AGAP1: variants seen among roughly 807,000 people sequenced by gnomAD.
The protein encoded by AGAP1 is ArfGAP with GTPase domain, ankyrin repeat and PH domain 1.
AGAP1 carries 29 observed loss-of-function variants against 105.3 expected under a neutral mutation model. The observed-to-expected ratio is 0.28, with a 90% CI of 0.21 to 0.38. AGAP1 has a LOEUF of 0.38. Ranked by LOEUF, AGAP1 falls within the 10% of genes least tolerant of loss-of-function variation. The pLI is 1.00. For missense variants in AGAP1, 998 were observed against 1,165.1 expected, an observed-to-expected ratio of 0.86 and a Z score of 2.09; for synonymous variants, 509 against 485.9, an observed-to-expected ratio of 1.05 and a Z score of -0.63.
At chr2:235,925,398 G>T (rs748181176) in intron 11 of AGAP1, among the ~76,000 whole-genome samples, 1 of 152,086 alleles carries the variant, frequency 6.6e-6, no homozygotes, top group African/African-American at 2.4e-5. Flanking sequence ...GTAGCAAAAC[G>T]GCTGTGTGTT....
At chr2:235,892,027 G>A (rs972811970) in intron 10 of AGAP1, among the ~76,000 whole-genome samples, 1 of 152,092 alleles carries the variant, frequency 6.6e-6, no homozygotes, top group African/African-American at 2.4e-5. Flanking sequence ...GCTGGTGGGT[G>A]CCTGTAATCC....
intron 1 of AGAP1, among the ~76,000 whole-genome samples, chr2:235,546,651 G>A (rs1232716678): frequency 6.6e-6 from 1 of 152,084 alleles, no homozygotes; most frequent in Non-Finnish European, 1.5e-5. Context: ...TGACGGGTGT[G>A]TGGGGGCATC....
chr2:235,922,038 TAA>T (rs2052205850), intron 11 of AGAP1, among the ~76,000 whole-genome samples: 1 of 152,234 alleles, frequency 6.6e-6, no homozygotes, highest in Non-Finnish European at 1.5e-5. Context: ...ATGTGACTGT[TAA>T]CGTCGCCTCC....
At chr2:235,873,349 C>T (rs144194037) in intron 9 of AGAP1, among the ~76,000 whole-genome samples, 37 of 152,344 alleles carry the variant, frequency 2.4e-4, no homozygotes, top group African/African-American at 7.2e-4. Flanking sequence ...TATGACTGCT[C>T]CTCTGGCCTC....
intron 16 of AGAP1, among the ~76,000 whole-genome samples, chr2:236,060,584 A>G (rs1472659571): frequency 6.6e-6 from 1 of 152,096 alleles, no homozygotes; most frequent in Non-Finnish European, 1.5e-5. Context: ...TAGGTAAGCT[A>G]CTCAGGCGGC....
At position 236,114,796 on chromosome 2, in the gene AGAP1, C is replaced by T. The variant is rs776171097; in HGVS notation, c.2115-5396C>T. ...GCAACATTGAGGGTTAAAGCTTCAG[C>T]ATGTGAATTTTATGGGATACGACTC... On this transcript the variant is annotated intron_variant, in intron 16 of 17. Coordinates refer to ENST00000304032, the MANE Select transcript of AGAP1 (RefSeq NM_001037131.3). The surrounding 1 kb of genome is among the most constrained non-coding windows in gnomAD (Gnocchi z 5.0). Among the ~76,000 whole-genome samples, 10 of 152,200 alleles carry T rather than the reference C, an allele frequency of 6.6e-5. No individual in the cohort carries two copies. Among genetic ancestry groups the T allele is most frequent in the Non-Finnish European group, 1.5e-4 (10 of 68,036 alleles).
chr2:235,812,995 TTCAC>T (rs1157206337), intron 9 of AGAP1, among the ~76,000 whole-genome samples: 4 of 152,208 alleles, frequency 2.6e-5, no homozygotes, highest in African/African-American at 7.2e-5. Context: ...TTCAGCCCGG[TTCAC>T]AACAGACCCA....
intron 16 of AGAP1, among the ~76,000 whole-genome samples, chr2:236,118,483 G>A (rs1031582314): frequency 6.8e-6 from 1 of 147,238 alleles, no homozygotes. Context: ...TCTGCCTCCC[G>A]GGTTCAAGCC....
chr2:235,702,710 A>G (rs1950314147), intron 1 of AGAP1, among the ~76,000 whole-genome samples: 1 of 152,114 alleles, frequency 6.6e-6, no homozygotes, highest in Non-Finnish European at 1.5e-5. Flanking sequence ...ATTCAAACAT[A>G]TTTGACCATA....
chr2:235,925,221 C>G (rs2052388217), intron 11 of AGAP1, among the ~76,000 whole-genome samples: 1 of 152,200 alleles, frequency 6.6e-6, no homozygotes, highest in Non-Finnish European at 1.5e-5. Flanking sequence ...CTCACCTCGT[C>G]TACTCCAGGA....
rs367931059 is a variant in AGAP1 at position 235,817,185 on chromosome 2, T to C, written c.1050+9854T>C. ...AACTTATGGCACTTGGCATGGCTCT[T>C]AGACCAGACACATTTTCCCAGAAAT... is the stretch of plus-strand genomic sequence containing the variant. On this transcript the variant is annotated intron_variant, in intron 9 of 17. Coordinates refer to ENST00000304032, the MANE Select transcript of AGAP1 (RefSeq NM_001037131.3). 2.0e-4 allele frequency among the ~76,000 whole-genome samples: 31 copies of C among 152,160 alleles called. 1 individual carries two copies. In the East Asian group the frequency reaches 6.0e-3, roughly 30 times the overall value.
Position 235,994,664 on chromosome 2 carries a change from G to A in AGAP1, c.1645+26041G>A, listed in dbSNP as rs2055712651. On this transcript the variant is annotated intron_variant, in intron 13 of 17. Coordinates refer to ENST00000304032, the MANE Select transcript of AGAP1 (RefSeq NM_001037131.3). The surrounding 1 kb of genome is among the most constrained non-coding windows in gnomAD (Gnocchi z 4.4). ...ATGATACAGAGACGGGGCAGCAGTG[G>A]AGAGCTCGGCTCAAAGTGCGAAGTT... Among the ~76,000 whole-genome samples, 3 of 146,526 alleles carry A rather than the reference G, an allele frequency of 2.0e-5. No homozygotes were observed. Among genetic ancestry groups the A allele is most frequent in the African/African-American group, 7.6e-5 (3 of 39,548 alleles).
chr2:235,519,554 T>C (rs925831132), intron 1 of AGAP1, among the ~76,000 whole-genome samples: 1 of 152,296 alleles, frequency 6.6e-6, no homozygotes, highest in East Asian at 1.9e-4. Context: ...TAACACATAT[T>C]TTCTTGTGTG....
At chr2:235,693,539 G>A (rs1211460968) in intron 1 of AGAP1, among the ~76,000 whole-genome samples, 4 of 152,278 alleles carry the variant, frequency 2.6e-5, no homozygotes, top group East Asian at 3.9e-4. Flanking sequence ...ACAGTCATGC[G>A]AAGGCATTGC....
At position 235,728,788 on chromosome 2, in the gene AGAP1, A is replaced by G. The variant is rs2149598068; in HGVS notation, c.310+11144A>G. On this transcript the variant is annotated intron_variant, in intron 3 of 17. Transcript: ENST00000304032. This position sits in a 1 kb window ranked among gnomAD's most constrained non-coding sequence, Gnocchi z 4.3. ...ATGAAAGCGTGCCTAGTGGAGCAAG[A>G]GCGGGGCGGGGAGGAGGGGAAGCCA... is the stretch of plus-strand genomic sequence containing the variant. Among the ~76,000 whole-genome samples, 1 of 152,272 alleles carries G rather than the reference A, an allele frequency of 6.6e-6. No individual in the cohort carries two copies. The highest frequency in any genetic ancestry group is 2.4e-5 in the African/African-American group (1 of 41,560).
intron 11 of AGAP1, among the ~76,000 whole-genome samples, chr2:235,916,947 T>G (rs144911591): frequency 2.0e-5 from 3 of 152,228 alleles, no homozygotes; most frequent in Non-Finnish European, 4.4e-5. Context: ...TTCTGGACTT[T>G]CATGGATGTC....
Position 235,747,540 on chromosome 2 carries a change from C to G in AGAP1, c.538+2701C>G, listed in dbSNP as rs1559429519. ...AGGACTCCTCTTAGCTGGGCCACCC[C>G]CAGATGAACCAGAACGAAAAGTTGC... On this transcript the variant is annotated intron_variant, in intron 5 of 17. Coordinates refer to ENST00000304032, the MANE Select transcript of AGAP1 (RefSeq NM_001037131.3). This position sits in a 1 kb window ranked among gnomAD's most constrained non-coding sequence, Gnocchi z 5.0. Among the ~76,000 whole-genome samples, 1 of 152,168 alleles carries G rather than the reference C, an allele frequency of 6.6e-6. No homozygotes were observed. The highest frequency in any genetic ancestry group is 2.1e-4 in the South Asian group (1 of 4,828).
At chr2:236,047,598 C>CTTTTTTTTTT (rs59007077) in intron 15 of AGAP1, among the ~76,000 whole-genome samples, 1,113 of 68,298 alleles carry the variant, frequency 0.016, 107 homozygotes, top group East Asian at 0.042. Flanking sequence ...TCTCACATTT[C>CTTTTTTTTTT]TTTTTTTTTT....
chr2:235,765,403 GC>G (rs1415855677), intron 6 of AGAP1, among the ~76,000 whole-genome samples: 1 of 152,046 alleles, frequency 6.6e-6, no homozygotes, highest in Non-Finnish European at 1.5e-5. Flanking sequence ...GCCCCCACAG[GC>G]CCGGCCCCTC....
Sources: allele counts gnomAD v4.1 joint callset (sites outside exome capture counted in the v4.1 genomes callset), GRCh38; gene constraint gnomAD v4.1.1; non-coding constraint Gnocchi (gnomAD v3.1); transcripts MANE v1.5; gene names NCBI Gene and HGNC (gene_info 2026-07-23, HGNC 2026-07-21).